Variants in SH3BP5 observed in about 807,000 individuals in gnomAD.
SH3BP5 encodes SH3 domain binding protein 5, also known as SH3 domain-binding protein 5.
Under a neutral mutation model 43.3 loss-of-function variants are expected in SH3BP5, and 22 were observed. That is an observed-to-expected ratio of 0.51 (90% CI 0.36 to 0.73). The LOEUF is 0.73. Ranked by LOEUF, SH3BP5 falls within the 30% of genes least tolerant of loss-of-function variation. The probability of loss-of-function intolerance (pLI) is 0.00; values close to 1 mark genes in which losing one functional copy is unlikely to be tolerated. For missense variants in SH3BP5, 529 were observed against 586.9 expected, an observed-to-expected ratio of 0.90 and a Z score of 1.02; for synonymous variants, 255 against 225.8, an observed-to-expected ratio of 1.13 and a Z score of -1.16.
chr3:15,265,512 T>TCTCACACACACACACACACACACACA (rs1318765546), intron 4 of SH3BP5, among the ~76,000 whole-genome samples: 44 of 107,988 alleles, frequency 4.1e-4, no homozygotes, highest in African/African-American at 1.8e-3. Flanking sequence ...CGAGACTCCG[T>TCTCACACACACACACACACACACACA]CACACACACA....
intron 4 of SH3BP5, among the ~76,000 whole-genome samples, chr3:15,266,508 CCCT>C (rs1225495352): frequency 1.3e-5 from 2 of 152,224 alleles, no homozygotes; most frequent in Non-Finnish European, 2.9e-5. Context: ...AGGATGCCAG[CCCT>C]CCTCTCTCAG....
At chr3:15,300,928 C>T (rs1201259302) in intron 3 of SH3BP5, among the ~76,000 whole-genome samples, 2 of 152,140 alleles carry the variant, frequency 1.3e-5, no homozygotes, top group Admixed American at 6.5e-5. Context: ...TCATCTGATT[C>T]GACCGATGAC....
At chr3:15,335,377 CAAAAAAA>C (rs59127007), upstream of SH3BP5, among the ~76,000 whole-genome samples, 2 of 149,298 alleles carry the variant, frequency 1.3e-5, no homozygotes, top group Non-Finnish European at 3.0e-5. Flanking sequence ...GACTTTCTCT[CAAAAAAA>C]AAGAAAAAAG....
chr3:15,326,473 T>G (rs768585842), intron 2 of SH3BP5, among the ~76,000 whole-genome samples: 1 of 152,084 alleles, frequency 6.6e-6, no homozygotes, highest in Non-Finnish European at 1.5e-5. Flanking sequence ...ACGCCCCAGA[T>G]CGCAATCAAA....
rs1192697862 is a variant in SH3BP5, at chr3:15,304,161, A to C, written c.272T>G (p.Ile91Ser). 13 of 1,614,032 alleles carry C rather than the reference A, an allele frequency of 8.1e-6. No homozygotes were observed. Among genetic ancestry groups the C allele is most frequent in the Non-Finnish European group, 1.1e-5 (13 of 1,179,990 alleles). Residue 91 changes from isoleucine (I) to serine (S), a missense_variant, in exon 3 of 9, where the codon ATT becomes AGT. Transcript: ENST00000383791. ...TVKLDELVKK[I>S]GKAVEDSKPY... ...CTTGGAGTCTTCCACAGCTTTGCCA[A>C]TTTTCTTCACCAGTTCATCCAGTTT...
intron 3 of SH3BP5, among the ~76,000 whole-genome samples, chr3:15,285,384 A>C (rs1697235923): frequency 6.6e-6 from 1 of 152,134 alleles, no homozygotes. Context: ...GATCTAACTC[A>C]TTCCCCGCTC....
intron 5 of SH3BP5, among the ~76,000 whole-genome samples, chr3:15,261,381 C>T (rs1326670816): frequency 1.3e-5 from 2 of 152,330 alleles, no homozygotes; most frequent in South Asian, 4.1e-4. Context: ...TGCAGATCCT[C>T]TTCCTCACTG....
At chr3:15,257,643 T>A (rs1696265889) in intron 7 of SH3BP5, 1 of 152,606 alleles carries the variant, frequency 6.6e-6, no homozygotes. Flanking sequence ...ACTCAAAGGC[T>A]ACCCACATCA....
chr3:15,291,946 CCT>C (rs1277179412), intron 3 of SH3BP5, among the ~76,000 whole-genome samples: 1 of 152,136 alleles, frequency 6.6e-6, no homozygotes, highest in Non-Finnish European at 1.5e-5. Flanking sequence ...GCAGGGGCAT[CCT>C]CTGAGTCAGG....
chr3:15,275,219 C>A (rs1368763225), intron 3 of SH3BP5, among the ~76,000 whole-genome samples: 2 of 152,170 alleles, frequency 1.3e-5, no homozygotes, highest in African/African-American at 4.8e-5. Context: ...AGGCAGCAGG[C>A]CAGGCCAAGA....
Position 15,303,851 on chromosome 3 carries a change from G to A in SH3BP5, c.330+252C>T, listed in dbSNP as rs373460908. Among the ~76,000 whole-genome samples, 214 of 152,252 alleles carry A rather than the reference G, an allele frequency of 1.4e-3. 1 individual carries two copies. The highest frequency in any genetic ancestry group is 4.5e-3 in the African/African-American group (186 of 41,556). On this transcript the variant is annotated intron_variant, in intron 3 of 8. Transcript: ENST00000383791. ...CGGAGGAGGAACACCCTCTGGACAC[G>A]TCCCCTTAAGTGCACTCAGCACCAA...
chr3:15,313,823 C>G (rs189691319), intron 2 of SH3BP5, among the ~76,000 whole-genome samples: 25 of 152,186 alleles, frequency 1.6e-4, no homozygotes, highest in African/African-American at 5.3e-4. Flanking sequence ...TTCAAGGGGC[C>G]AGGCACGGTG....
chr3:15,286,025 T>C (rs1697255537), intron 3 of SH3BP5, among the ~76,000 whole-genome samples: 1 of 152,252 alleles, frequency 6.6e-6, no homozygotes, highest in African/African-American at 2.4e-5. Context: ...CATACCTTTC[T>C]GGTAAGCACA....
chr3:15,301,124 T>G (rs1697726457), intron 3 of SH3BP5, among the ~76,000 whole-genome samples: 1 of 152,104 alleles, frequency 6.6e-6, no homozygotes, highest in African/African-American at 2.4e-5. Context: ...GGGAGTGGTG[T>G]GAAATCTGCT....
At position 15,255,654 on chromosome 3, in the gene SH3BP5, C is replaced by T; in HGVS notation, c.*432G>A. ...AGTTTTTGCTTTGTGTGTGGGTTTT[C>T]TTTCTTTTTCATTTAGATATCGTGG... is the stretch of plus-strand genomic sequence containing the variant. On this transcript the variant is annotated 3_prime_UTR_variant, in exon 9 of 9. Transcript: ENST00000383791. 1.3e-5 allele frequency: 2 copies of T among 153,860 alleles called. No individual in the cohort carries two copies. Among genetic ancestry groups the T allele is most frequent in the Admixed American group, 6.5e-5 (1 of 15,448 alleles). 9.5% of individuals were successfully genotyped at this position (153,860 alleles called of 1,614,324 possible).
chr3:15,274,561 T>C (rs1402200778), intron 3 of SH3BP5, among the ~76,000 whole-genome samples: 2 of 152,118 alleles, frequency 1.3e-5, no homozygotes, highest in African/African-American at 2.4e-5. Context: ...TGGTGCGATC[T>C]TGGCTCAATG....
In SH3BP5 at chr3:15,332,330, C is replaced by T. The variant is rs545162917; in HGVS notation, c.79G>A (p.Glu27Lys). ...LPPARDEEEE[E>K]EEGMEQGLEE... ...AGCCCCTGCTCCATCCCCTCTTCCT[C>T]CTCCTCCTCCTCGTCCCGGGCAGGC... Residue 27 changes from glutamate (E) to lysine (K), a missense_variant, in exon 1 of 9, where the codon GAG becomes AAG. Transcript: ENST00000383791. The T allele has an allele frequency of 5.2e-4, 810 of 1,543,714 alleles. 15 individuals are homozygous for T. The South Asian group carries it at 9.4e-3, about 18-fold the overall frequency.
chr3:15,321,597 G>T (rs565241806), intron 2 of SH3BP5, among the ~76,000 whole-genome samples: 3 of 149,008 alleles, frequency 2.0e-5, no homozygotes, highest in African/African-American at 5.0e-5. Flanking sequence ...AAATATTTCA[G>T]AAAACACCAA....
chr3:15,258,706 G>GAAAT, intron 7 of SH3BP5, 125 bp downstream of exon 7: 1 of 735,668 alleles, frequency 1.4e-6, no homozygotes, highest in Non-Finnish European at 2.3e-6. Flanking sequence ...GAACCCACCA[G>GAAAT]AAATAGCCCT....
Sources: allele counts gnomAD v4.1 joint callset (sites outside exome capture counted in the v4.1 genomes callset), GRCh38; gene constraint gnomAD v4.1.1; transcripts MANE v1.5; gene names NCBI Gene and HGNC (gene_info 2026-07-23, HGNC 2026-07-21).